GLIS3: variants seen among roughly 807,000 people sequenced by gnomAD.
The protein encoded by GLIS3 is GLIS family zinc finger 3, also known as zinc finger protein GLIS3.
Under a neutral mutation model 78.6 loss-of-function variants are expected in GLIS3, and 53 were observed. The ratio of observed to expected loss-of-function variants is 0.67; its 90% CI spans 0.54 to 0.85. The LOEUF (loss-of-function observed/expected upper bound fraction) is 0.85. Ranked by LOEUF, GLIS3 falls within the 40% of genes least tolerant of loss-of-function variation. The pLI is 0.00. For synonymous variants in GLIS3, 684 were observed against 509.9 expected, an observed-to-expected ratio of 1.34 and a Z score of -4.60; for missense variants, 1,703 against 1,231.1, an observed-to-expected ratio of 1.38 and a Z score of -5.74.
intron 2 of GLIS3, among the ~76,000 whole-genome samples, chr9:4,320,663 C>G (rs1381417220): frequency 1.3e-5 from 2 of 152,044 alleles, no homozygotes; most frequent in Non-Finnish European, 2.9e-5. Flanking sequence ...ACCATCACTA[C>G]CTCCATCATC....
chr9:4,265,161 G>C (rs1450322841), intron 2 of GLIS3, among the ~76,000 whole-genome samples: 1 of 133,632 alleles, frequency 7.5e-6, no homozygotes, highest in Non-Finnish European at 1.6e-5. Context: ...AACAGAGTGA[G>C]ACGCCGTCTC....
At position 4,019,695 on chromosome 9, in the gene GLIS3, A is replaced by G. The variant is rs56764611; in HGVS notation, c.1711-82506T>C. ...GGGTAAGGGAGATCGACAATGTGAG[A>G]CTCATGGGAAGATGCCAGCTGCAAT... On this transcript the variant is annotated intron_variant, in intron 4 of 10. Coordinates refer to ENST00000381971, the MANE Select transcript of GLIS3 (RefSeq NM_001042413.2). Among the ~76,000 whole-genome samples the G allele has an allele frequency of 1.3e-3, 204 of 152,162 alleles. 1 individual carries two copies. Among genetic ancestry groups the G allele is most frequent in the African/African-American group, 4.5e-3 (185 of 41,514 alleles).
chr9:4,034,492 C>T (rs904265670), intron 4 of GLIS3: 1 of 152,166 alleles, frequency 6.6e-6, no homozygotes, highest in African/African-American at 2.4e-5. Context: ...GCCCACAACA[C>T]CTGATAATTA....
chr9:4,455,559 A>T, the GLIS3 span, among the ~76,000 whole-genome samples: 26 of 152,302 alleles, frequency 1.7e-4, no homozygotes, highest in African/African-American at 5.8e-4. Context: ...GAGCGGATGA[A>T]CTTGCCTCTA....
intron 4 of GLIS3, among the ~76,000 whole-genome samples, chr9:3,993,166 TG>T (rs1820466586): frequency 6.6e-6 from 1 of 152,182 alleles, no homozygotes; most frequent in Non-Finnish European, 1.5e-5. Flanking sequence ...TGTCATGAAC[TG>T]GCCTGAAAAT....
At chr9:4,459,867 A>G in the GLIS3 span, among the ~76,000 whole-genome samples, 4 of 152,228 alleles carry the variant, frequency 2.6e-5, no homozygotes, top group African/African-American at 9.6e-5. Context: ...GTGATTAACC[A>G]TGCTAAATGC....
At chr9:4,098,078 A>G (rs1456958980) in intron 4 of GLIS3, among the ~76,000 whole-genome samples, 1 of 152,240 alleles carries the variant, frequency 6.6e-6, no homozygotes, top group Non-Finnish European at 1.5e-5. Flanking sequence ...ACAGCAGGAC[A>G]CTGGATGATT....
At chr9:4,156,348 T>G (rs1320260364) in intron 2 of GLIS3, among the ~76,000 whole-genome samples, 1 of 152,226 alleles carries the variant, frequency 6.6e-6, no homozygotes, top group Non-Finnish European at 1.5e-5. Flanking sequence ...ATTAGCTGAT[T>G]AAACCTCAGG....
chr9:3,874,516 T>C (rs951208560), intron 8 of GLIS3, among the ~76,000 whole-genome samples: 1 of 152,208 alleles, frequency 6.6e-6, no homozygotes, highest in African/African-American at 2.4e-5. Context: ...GCTGTGGAAA[T>C]CCTGATTTGT....
At chr9:3,915,236 GTCTT>G (rs2130702890) in intron 6 of GLIS3, among the ~76,000 whole-genome samples, 1 of 152,230 alleles carries the variant, frequency 6.6e-6, no homozygotes, top group East Asian at 1.9e-4. Flanking sequence ...ACACCATTCT[GTCTT>G]TCTTCTTATC....
chr9:4,260,961 G>A (rs1365216199), intron 2 of GLIS3, among the ~76,000 whole-genome samples: 1 of 152,110 alleles, frequency 6.6e-6, no homozygotes, highest in Non-Finnish European at 1.5e-5. Context: ...GTATACTAAA[G>A]AAATTAAAAT....
rs796951055 is a variant in GLIS3, at chr9:4,056,920, T to G, written c.1710+60848A>C. Among the ~76,000 whole-genome samples the G allele has an allele frequency of 7.1e-3, 937 of 131,982 alleles. 6 individuals carry two copies. Among genetic ancestry groups the G allele is most frequent in the African/African-American group, 0.021 (763 of 36,098 alleles). 86.6% of individuals were successfully genotyped at this position (131,982 alleles called of 152,430 possible). On this transcript the variant is annotated intron_variant, in intron 4 of 10. Transcript: ENST00000381971. ...ACACTTTTTTTTTTTTTTTTTTTTT[T>G]GCCATCTGCCAGGAAAAAAAGCCAC... is the stretch of plus-strand genomic sequence containing the variant.
the GLIS3 span, among the ~76,000 whole-genome samples, chr9:4,385,812 A>G: frequency 1.1e-4 from 5 of 44,234 alleles, no homozygotes; most frequent in African/African-American, 3.6e-4. Context: ...AAAGAAAGAA[A>G]AGAAAGAAAG....
At chr9:3,919,476 C>T (rs1457789605) in intron 6 of GLIS3, among the ~76,000 whole-genome samples, 1 of 151,744 alleles carries the variant, frequency 6.6e-6, no homozygotes, top group East Asian at 1.9e-4. Flanking sequence ...CACACTGGGG[C>T]CTGTTGGGAG....
At chr9:4,297,284 CA>C (rs570200384) in intron 1 of GLIS3, among the ~76,000 whole-genome samples, 249 of 152,292 alleles carry the variant, frequency 1.6e-3, no homozygotes, top group Non-Finnish European at 2.7e-3. Context: ...ATCTTCGAGC[CA>C]AGAAATGCTC....
chr9:4,011,469 C>A (rs190468196), intron 4 of GLIS3, among the ~76,000 whole-genome samples: 1 of 152,180 alleles, frequency 6.6e-6, no homozygotes, highest in Non-Finnish European at 1.5e-5. Context: ...ATTAGCAAGG[C>A]CTTGGGGAAC....
At chr9:4,365,271 G>T in the GLIS3 span, among the ~76,000 whole-genome samples, 1 of 152,120 alleles carries the variant, frequency 6.6e-6, no homozygotes, top group Non-Finnish European at 1.5e-5. Flanking sequence ...AAATTAGAAA[G>T]ATCAAATCAG....
At chr9:3,966,959 C>G (rs1817983303) in intron 4 of GLIS3, among the ~76,000 whole-genome samples, 1 of 131,296 alleles carries the variant, frequency 7.6e-6, no homozygotes, top group African/African-American at 2.8e-5. Context: ...TCCTCATATC[C>G]ATTTACAGTT....
At chr9:3,871,166 C>T (rs928293979) in intron 8 of GLIS3, among the ~76,000 whole-genome samples, 1 of 152,226 alleles carries the variant, frequency 6.6e-6, no homozygotes, top group Non-Finnish European at 1.5e-5. Flanking sequence ...CACACTGATG[C>T]AAGAGGTGGG....
Sources: allele counts gnomAD v4.1 joint callset (sites outside exome capture counted in the v4.1 genomes callset), GRCh38; gene constraint gnomAD v4.1.1; transcripts MANE v1.5; gene names NCBI Gene and HGNC (gene_info 2026-07-23, HGNC 2026-07-21).